The following SLC4A1 variants were observed in gnomAD, a reference collection of about 807,000 sequenced individuals.
SLC4A1 encodes band 3 anion transport protein.
In SLC4A1, 29 loss-of-function variants were observed where a neutral mutation model predicts 93.1. The ratio of observed to expected loss-of-function variants is 0.31; its 90% CI spans 0.23 to 0.42. SLC4A1 has a LOEUF of 0.42. Ranked by LOEUF, SLC4A1 falls within the 20% of genes least tolerant of loss-of-function variation. The probability of loss-of-function intolerance (pLI) is 1.00; values close to 1 mark genes in which losing one functional copy is unlikely to be tolerated. For missense variants in SLC4A1, 965 were observed against 1,190.1 expected (o/e 0.81, Z 2.78); for synonymous variants, 469 against 497.2 (o/e 0.94, Z 0.76).
chr17:44,256,523 C>A (rs2521606), intron 13 of SLC4A1, among the ~76,000 whole-genome samples: 1 of 152,242 alleles, frequency 6.6e-6, no homozygotes, highest in Non-Finnish European at 1.5e-5. Context: ...CAAAGGCAAG[C>A]AGAGCTTAAG....
Position 44,259,319 on chromosome 17 carries a change from C to T in SLC4A1, c.720G>A (p.Pro240=), listed in dbSNP as rs543522229. 4.3e-5 allele frequency: 70 copies of T among 1,613,822 alleles called. No homozygotes were observed. Among genetic ancestry groups the T allele is most frequent in the East Asian group, 4.2e-4 (19 of 44,876 alleles). Residue 240 remains proline (P), a synonymous_variant, in exon 9 of 20, where the codon CCG becomes CCA. Transcript: ENST00000262418. The part of the protein sequence containing the change: ...LVGRADFLEQ[P]VLGFVRLQEA... The stretch of plus-strand genomic sequence containing the variant: ...CCTGCAGCCTCACGAAGCCCAGCAC[C>T]GGCTGCTCCAGGAAGTCGGCGCGGC...
rs1244909573 is a variant in SLC4A1 at position 44,249,577 on chromosome 17, CG to C, written c.*880del. 1.1e-5 allele frequency: 2 copies of C among 179,160 alleles called. No homozygotes were observed. Among genetic ancestry groups the C allele is most frequent in the Non-Finnish European group, 2.3e-5 (2 of 85,122 alleles). 11.1% of individuals were successfully genotyped at this position (179,160 alleles called of 1,614,324 possible). On this transcript the variant is annotated 3_prime_UTR_variant, in exon 20 of 20. Transcript: ENST00000262418. ...CAGTCCCCTCGGAGTCCACTGATTCCGGGGCCCTCAGTAAATGTTTGTGGAA... is the reference window on the plus strand; with the variant it reads ...CAGTCCCCTCGGAGTCCACTGATTCCGGGCCCTCAGTAAATGTTTGTGGAA...
In SLC4A1 at chr17:44,250,310, C is replaced by T. The variant is rs1002359554; in HGVS notation, c.*148G>A. 1.0e-5 allele frequency: 7 copies of T among 693,272 alleles called. No homozygotes were observed. Among genetic ancestry groups the T allele is most frequent in the Admixed American group, 2.1e-5 (1 of 46,934 alleles). The allele number at this position is 693,272 out of a possible 1,614,324, so 42.9% of individuals were successfully genotyped here. A position where few individuals can be genotyped will look rare whatever the true frequency, so the allele number is the denominator to read the frequency against. On this transcript the variant is annotated 3_prime_UTR_variant, in exon 20 of 20. Coordinates refer to ENST00000262418, the MANE Select transcript of SLC4A1 (RefSeq NM_000342.4). The stretch of plus-strand genomic sequence containing the variant: ...CCCTTTGTGGAAGGTCTCCTGGACA[C>T]GCCTTCCTTCCCCACCCACAGCCCT...
intron 1 of SLC4A1, among the ~76,000 whole-genome samples, chr17:44,266,113 T>C (rs530710773): frequency 8.5e-5 from 13 of 152,216 alleles, no homozygotes; most frequent in African/African-American, 2.9e-4. Context: ...GACCCCTGCC[T>C]TGGCAGGTGG....
Position 44,255,288 on chromosome 17 carries a change from C to T in SLC4A1, c.1809G>A (p.Arg603=). 6.4e-7 allele frequency: 1 copy of T among 1,555,182 alleles called. No individual in the cohort carries two copies. The highest frequency in any genetic ancestry group is 2.0e-5 in the Admixed American group (1 of 51,030). Residue 603 remains arginine (R), a synonymous_variant, in exon 15 of 20, where the codon CGG becomes CGA. Transcript: ENST00000262418. ...NSSYFPGKLR[R]VIGDFGVPIS... Reference sequence around the variant, plus strand: ...TGGGGACCCCGAAGTCCCCGATGACCCGACGCAGCTGGGGGCAGGTGAAAG... The same window carrying T: ...TGGGGACCCCGAAGTCCCCGATGACTCGACGCAGCTGGGGGCAGGTGAAAG...
chr17:44,262,584 C>A, intron 3 of SLC4A1, 52 bp downstream of exon 3: 3 of 1,402,724 alleles, frequency 2.1e-6, no homozygotes, highest in Non-Finnish European at 3.0e-6. Context: ...CCCTCCTGTC[C>A]CTGTCTAGGG....
chr17:44,259,792 C>A lies in SLC4A1; in HGVS notation c.609+17G>T, dbSNP rs572579240. ...TGCCCCACCCTGACCCTGACCCTGA[C>A]CCTGTAACTGACTCACCTGCTCACA... On this transcript the variant is annotated intron_variant, in intron 7 of 19. Coordinates refer to ENST00000262418, the MANE Select transcript of SLC4A1 (RefSeq NM_000342.4). The A allele has an allele frequency of 6.2e-7, 1 of 1,613,926 alleles. No individual in the cohort carries two copies. The highest frequency in any genetic ancestry group is 1.1e-5 in the South Asian group (1 of 91,074).
Position 44,257,745 on chromosome 17 carries a change from T to C in SLC4A1, c.1345A>G (p.Ile449Val). ...TGAGCCCCCAGCAGGGCGAAGAGAA[T>C]GCCCTGCACTGCAGTGGAGATCAGC... is the stretch of plus-strand genomic sequence containing the variant. ...ELLISTAVQG[I>V]LFALLGAQPL... The change falls in exon 12 of 20, where the codon ATT becomes GTT. Residue 449 changes from isoleucine (I) to valine (V), a missense_variant. Transcript: ENST00000262418. 2 of 1,613,932 alleles carry C rather than the reference T, an allele frequency of 1.2e-6. No homozygotes were observed. Among genetic ancestry groups the C allele is most frequent in the Non-Finnish European group, 1.7e-6 (2 of 1,179,948 alleles).
At chr17:44,257,909 CAG>C (rs748145171) in intron 11 of SLC4A1, 75 bp downstream of exon 11, 14 of 1,607,376 alleles carry the variant, frequency 8.7e-6, no homozygotes, top group Middle Eastern at 1.8e-4. Context: ...GAGGGTCAGA[CAG>C]AGTCAGAAGT....
At chr17:44,255,493 G>A (rs528305376) in intron 14 of SLC4A1, among the ~76,000 whole-genome samples, 180 bp downstream of exon 14, 25 of 152,324 alleles carry the variant, frequency 1.6e-4, no homozygotes, top group Non-Finnish European at 2.9e-4. Context: ...TGCCATGAAA[G>A]TGGGAGGGGC....
intron 3 of SLC4A1, 148 bp from the exon 4 acceptor site, chr17:44,261,784 C>T: frequency 1.4e-6 from 2 of 1,444,180 alleles, no homozygotes; most frequent in Non-Finnish European, 1.9e-6. Context: ...GCATCCCACA[C>T]TGGCCACTCA....
intron 12 of SLC4A1, 46 bp from the exon 13 acceptor site, chr17:44,257,590 CA>C: frequency 6.2e-7 from 1 of 1,613,188 alleles, no homozygotes; most frequent in Non-Finnish European, 8.5e-7. Context: ...GGTCTTGGGG[CA>C]AGGCACCATG....
intron 1 of SLC4A1, among the ~76,000 whole-genome samples, chr17:44,263,721 C>CCTTCCTTT (rs2144627658): frequency 6.9e-6 from 1 of 145,720 alleles, no homozygotes; most frequent in African/African-American, 2.8e-5. Context: ...TTCCTTCCTT[C>CCTTCCTTT]CTTCCTTCCT....
intron 1 of SLC4A1, among the ~76,000 whole-genome samples, chr17:44,264,101 T>TA (rs2047475469): frequency 6.6e-6 from 1 of 152,124 alleles, no homozygotes; most frequent in Non-Finnish European, 1.5e-5. Context: ...CTCCTAGACT[T>TA]AAGTGAACCT....
At chr17:44,255,935 T>C in intron 13 of SLC4A1, 89 bp from the exon 14 acceptor site, 1 of 1,160,004 alleles carries the variant, frequency 8.6e-7, no homozygotes, top group African/African-American at 1.5e-5. Flanking sequence ...AGCACTACTA[T>C]CCATTCATCC....
At position 44,248,840 on chromosome 17, in the gene SLC4A1, T is replaced by A. The variant is rs2857079; in HGVS notation, c.*1618A>T. The A allele has an allele frequency of 6.6e-3, 1,300 of 196,084 alleles. 18 individuals are homozygous for A. Among genetic ancestry groups the A allele is most frequent in the African/African-American group, 0.031 (1,208 of 38,988 alleles). 12.1% of individuals were successfully genotyped at this position (196,084 alleles called of 1,614,324 possible). On this transcript the variant is annotated 3_prime_UTR_variant, in exon 20 of 20. Transcript: ENST00000262418. ...GAGTCTGTGGCCCCCAAGGCTGATG[T>A]TTCCTTCCGTTTTTTTTTTTTTTTT...
At chr17:44,264,127 A>G (rs2047475680) in intron 1 of SLC4A1, among the ~76,000 whole-genome samples, 2 of 152,144 alleles carry the variant, frequency 1.3e-5, no homozygotes, top group South Asian at 4.1e-4. Context: ...CTCAGCCTCC[A>G]GAGTAGCTAG....
chr17:44,258,516 G>T lies in SLC4A1; in HGVS notation c.984C>A (p.Ser328=). 1.2e-6 allele frequency: 2 copies of T among 1,614,034 alleles called. No homozygotes were observed. Among genetic ancestry groups the T allele is most frequent in the Non-Finnish European group, 1.7e-6 (2 of 1,179,974 alleles). Residue 328 remains serine, a synonymous_variant, in exon 10 of 20, where the codon TCC becomes TCA. Coordinates refer to ENST00000262418, the MANE Select transcript of SLC4A1 (RefSeq NM_000342.4). This position sits in a 1 kb window ranked among gnomAD's most constrained non-coding sequence, Gnocchi z 6.1. ...GCACCAGACTGAGCAGTGCCTGCTCGGAGGGGGCATCGGTGGGAGGCAGCA... is the reference window on the plus strand; with the variant it reads ...GCACCAGACTGAGCAGTGCCTGCTCTGAGGGGGCATCGGTGGGAGGCAGCA... ...SLVLPPTDAP[S]EQALLSLVPV...
At position 44,262,926 on chromosome 17, in the gene SLC4A1, C is replaced by G; in HGVS notation, c.-60G>C. 1.2e-6 allele frequency: 2 copies of G among 1,612,806 alleles called. No homozygotes were observed. Among genetic ancestry groups the G allele is most frequent in the Middle Eastern group, 1.8e-4 (1 of 5,606 alleles). ...TCTGAGCCCCCAGCATAACCCGCAC[C>G]GCGGGTCCCTGCAGCAGAGGGCACA... On this transcript the variant is annotated 5_prime_UTR_variant, in exon 2 of 20. Coordinates refer to ENST00000262418, the MANE Select transcript of SLC4A1 (RefSeq NM_000342.4).
Sources: gnomAD v4.1 joint callset for allele counts (sites outside exome capture counted in the v4.1 genomes callset) on GRCh38, gnomAD v4.1.1 for gene constraint, Gnocchi (gnomAD v3.1) non-coding constraint, MANE v1.5 for transcripts, NCBI Gene and HGNC (gene_info 2026-07-23, HGNC 2026-07-21) for gene names.